The following SLC23A2 variants were observed in gnomAD, a reference collection of about 807,000 sequenced individuals.
SLC23A2 encodes the protein solute carrier family 23 member 2.
Under a neutral mutation model 73.3 loss-of-function variants are expected in SLC23A2, and 36 were observed. The observed-to-expected ratio is 0.49, with a 90% CI of 0.38 to 0.65. SLC23A2 has a LOEUF of 0.65. Among genes scored for constraint, SLC23A2 ranks in the 30% least tolerant of loss-of-function variants. SLC23A2 has a pLI of 0.00. For synonymous variants in SLC23A2, 343 were observed against 327.3 expected, an observed-to-expected ratio of 1.05 and a Z score of -0.52; for missense variants, 507 against 841.6, an observed-to-expected ratio of 0.60 and a Z score of 4.92.
intron 1 of SLC23A2, among the ~76,000 whole-genome samples, chr20:4,980,923 T>C (rs1468126228): frequency 6.6e-6 from 1 of 152,194 alleles, no homozygotes; most frequent in African/African-American, 2.4e-5. Flanking sequence ...AATCCTAATA[T>C]TCCTTAATCT....
At chr20:4,915,945 C>T (rs987739232) in intron 3 of SLC23A2, among the ~76,000 whole-genome samples, 1 of 152,072 alleles carries the variant, frequency 6.6e-6, no homozygotes, top group Non-Finnish European at 1.5e-5. Flanking sequence ...GAGACTCCAT[C>T]TCAACAAATA....
At chr20:5,004,700 T>A (rs142621268), upstream of SLC23A2, among the ~76,000 whole-genome samples, 1,090 of 151,430 alleles carry the variant, frequency 7.2e-3, 6 homozygotes, top group Non-Finnish European at 9.3e-3. Flanking sequence ...ATAAATAAAT[T>A]AATTAATTAA....
At chr20:4,896,930 G>T (rs1931550247) in intron 6 of SLC23A2, among the ~76,000 whole-genome samples, 1 of 152,162 alleles carries the variant, frequency 6.6e-6, no homozygotes, top group Non-Finnish European at 1.5e-5. Flanking sequence ...GCCCCTGCTG[G>T]GATGGAAGCT....
chr20:4,995,895 A>G (rs183614804), intron 1 of SLC23A2, among the ~76,000 whole-genome samples: 1 of 152,322 alleles, frequency 6.6e-6, no homozygotes, highest in Admixed American at 6.5e-5. Flanking sequence ...CTCAACTGAC[A>G]CTGGCTTCTC....
intron 6 of SLC23A2, among the ~76,000 whole-genome samples, chr20:4,897,410 G>C (rs1207529411): frequency 6.6e-6 from 1 of 152,220 alleles, no homozygotes; most frequent in African/African-American, 2.4e-5. Flanking sequence ...CACAGCCAAA[G>C]GTCATGGGGG....
intron 1 of SLC23A2, among the ~76,000 whole-genome samples, chr20:4,990,926 C>T (rs1218883043): frequency 1.4e-5 from 2 of 146,154 alleles, no homozygotes; most frequent in Non-Finnish European, 3.0e-5. Flanking sequence ...GAGCTGAGAT[C>T]GCACCACTGA....
At chr20:4,954,553 C>G (rs2122154019) in intron 2 of SLC23A2, among the ~76,000 whole-genome samples, 1 of 151,998 alleles carries the variant, frequency 6.6e-6, no homozygotes, top group East Asian at 1.9e-4. Flanking sequence ...AAACAATTAG[C>G]CACGCGTGGT....
chr20:5,005,607 G>A (rs1044567916), upstream of SLC23A2, among the ~76,000 whole-genome samples: 4 of 152,122 alleles, frequency 2.6e-5, no homozygotes, highest in South Asian at 2.1e-4. Context: ...TGGGGCAAAC[G>A]TTTTCTGGAA....
At chr20:4,943,893 C>G (rs1338423183) in intron 2 of SLC23A2, among the ~76,000 whole-genome samples, 1 of 152,130 alleles carries the variant, frequency 6.6e-6, no homozygotes, top group Non-Finnish European at 1.5e-5. Flanking sequence ...GGGAGCTGCA[C>G]AGACATTTCG....
intron 3 of SLC23A2, among the ~76,000 whole-genome samples, chr20:4,924,553 T>C (rs1298344114): frequency 6.6e-6 from 1 of 152,202 alleles, no homozygotes; most frequent in Non-Finnish European, 1.5e-5. Context: ...GCAGAGCATG[T>C]CACATCTCTG....
intron 1 of SLC23A2, among the ~76,000 whole-genome samples, chr20:5,008,936 C>T (rs991395500): frequency 6.6e-6 from 1 of 152,070 alleles, no homozygotes; most frequent in African/African-American, 2.4e-5. Context: ...CTCAGCTCAG[C>T]TTCTCAAAAA....
At chr20:4,985,775 A>G (rs2087815795) in intron 1 of SLC23A2, among the ~76,000 whole-genome samples, 1 of 152,116 alleles carries the variant, frequency 6.6e-6, no homozygotes, top group Non-Finnish European at 1.5e-5. Flanking sequence ...GATACCATTT[A>G]TATGTCCAGA....
rs1172879816 is a variant in SLC23A2, at chr20:4,899,903, T to C, written c.325-191A>G. Among the ~76,000 whole-genome samples, 1 of 152,206 alleles carries C rather than the reference T, an allele frequency of 6.6e-6. No individual in the cohort carries two copies. The highest frequency in any genetic ancestry group is 1.5e-5 in the Non-Finnish European group (1 of 68,040). ...TCCTTTGTTGTTAAGACAGTTTCAC[T>C]CCCATTGCCCTCGACGGAGTGCAAT... is the stretch of plus-strand genomic sequence containing the variant. On this transcript the variant is annotated intron_variant, in intron 5 of 16. Coordinates refer to ENST00000338244, the MANE Select transcript of SLC23A2 (RefSeq NM_005116.6). The surrounding 1 kb of genome is among the most constrained non-coding windows in gnomAD (Gnocchi z 4.9).
At chr20:5,007,574 A>G (rs908358715) in intron 1 of SLC23A2, among the ~76,000 whole-genome samples, 12 of 152,160 alleles carry the variant, frequency 7.9e-5, no homozygotes, top group Admixed American at 1.3e-4. Flanking sequence ...AAAGTATACA[A>G]TTTGGTGGTT....
intron 6 of SLC23A2, among the ~76,000 whole-genome samples, chr20:4,895,309 G>T (rs1186295947): frequency 1.3e-5 from 2 of 152,152 alleles, no homozygotes; most frequent in East Asian, 1.9e-4. Flanking sequence ...AGGCCTGCAC[G>T]CCCGGCTGCA....
Position 4,883,626 on chromosome 20 carries a change from A to G in SLC23A2, c.824+16T>C. ...TGCCCCGCAGTGGTGGGATGAGGGGAGATGTTTCCACTTACAGCATGGCAA... is the reference window on the plus strand; with the variant it reads ...TGCCCCGCAGTGGTGGGATGAGGGGGGATGTTTCCACTTACAGCATGGCAA... On this transcript the variant is annotated intron_variant, in intron 9 of 16. Transcript: ENST00000338244. The surrounding 1 kb of genome is among the most constrained non-coding windows in gnomAD (Gnocchi z 4.5). 1 of 1,591,046 alleles carries G rather than the reference A, an allele frequency of 6.3e-7. No individual in the cohort carries two copies.
At chr20:4,959,410 A>C (rs1483242524) in intron 2 of SLC23A2, among the ~76,000 whole-genome samples, 3 of 152,212 alleles carry the variant, frequency 2.0e-5, no homozygotes, top group African/African-American at 4.8e-5. Context: ...AGACCCAGCA[A>C]TACTACTCCT....
intron 3 of SLC23A2, among the ~76,000 whole-genome samples, chr20:4,914,231 C>T (rs1932251167): frequency 6.6e-6 from 1 of 151,438 alleles, no homozygotes; most frequent in South Asian, 2.1e-4. Flanking sequence ...AATAATAAAA[C>T]CAAACGATCC....
At chr20:4,992,737 T>C (rs534749502) in intron 1 of SLC23A2, among the ~76,000 whole-genome samples, 2 of 151,846 alleles carry the variant, frequency 1.3e-5, no homozygotes, top group Middle Eastern at 3.4e-3. Flanking sequence ...CTGGAACTCC[T>C]GACCTCAGGT....
Sources: allele counts gnomAD v4.1 joint callset (sites outside exome capture counted in the v4.1 genomes callset), GRCh38; gene constraint gnomAD v4.1.1; non-coding constraint Gnocchi (gnomAD v3.1); transcripts MANE v1.5; gene names NCBI Gene and HGNC (gene_info 2026-07-23, HGNC 2026-07-21).